The following CPNE8 variants were observed in gnomAD, a reference collection of about 807,000 sequenced individuals.
CPNE8 encodes copine 8.
In CPNE8, 45 loss-of-function variants were observed where a neutral mutation model predicts 81.5. The ratio of observed to expected loss-of-function variants is 0.55; its 90% CI spans 0.44 to 0.71. The LOEUF is 0.71. CPNE8 is among the 30% of genes least tolerant of loss of function. The pLI is 0.00. For synonymous variants in CPNE8, 252 were observed against 226.3 expected, an observed-to-expected ratio of 1.11 and a Z score of -1.02; for missense variants, 594 against 672.1, an observed-to-expected ratio of 0.88 and a Z score of 1.28.
intron 11 of CPNE8, among the ~76,000 whole-genome samples, chr12:38,729,131 G>A (rs1940773106): frequency 6.6e-6 from 1 of 152,108 alleles, no homozygotes; most frequent in South Asian, 2.1e-4. Context: ...AGCAGTAGAT[G>A]ATGCCTAAGT....
At chr12:38,853,402 A>G (rs1227848048) in intron 3 of CPNE8, among the ~76,000 whole-genome samples, 1 of 152,144 alleles carries the variant, frequency 6.6e-6, no homozygotes, top group African/African-American at 2.4e-5. Flanking sequence ...ATAATACTAG[A>G]TTATCAAAAG....
intron 15 of CPNE8, among the ~76,000 whole-genome samples, chr12:38,689,841 T>C (rs1939631879): frequency 6.6e-6 from 1 of 152,206 alleles, no homozygotes; most frequent in Admixed American, 6.5e-5. Flanking sequence ...CGTTTTCAGT[T>C]ATAAATCCAA....
intron 19 of CPNE8, among the ~76,000 whole-genome samples, chr12:38,663,859 A>T (rs1470952209): frequency 6.6e-6 from 1 of 152,148 alleles, no homozygotes; most frequent in African/African-American, 2.4e-5. Context: ...TGTTAACTGA[A>T]ATAAGCCAGG....
intron 3 of CPNE8, among the ~76,000 whole-genome samples, chr12:38,870,306 A>G (rs1441447481): frequency 6.6e-6 from 1 of 152,254 alleles, no homozygotes; most frequent in African/African-American, 2.4e-5. Flanking sequence ...CCAAAGGATT[A>G]TAACTCAATC....
intron 3 of CPNE8, among the ~76,000 whole-genome samples, chr12:38,859,152 A>G (rs1943790756): frequency 6.6e-6 from 1 of 152,056 alleles, no homozygotes; most frequent in Non-Finnish European, 1.5e-5. Flanking sequence ...CAGAGGAAGT[A>G]AAATTATCTT....
chr12:38,771,975 G>A (rs1941813272), intron 7 of CPNE8, among the ~76,000 whole-genome samples: 2 of 152,184 alleles, frequency 1.3e-5, no homozygotes, highest in Non-Finnish European at 2.9e-5. Flanking sequence ...GTGCTGGGAG[G>A]TGGGGCCCCA....
At chr12:38,839,641 C>G (rs1338911131) in intron 5 of CPNE8, among the ~76,000 whole-genome samples, 1 of 152,050 alleles carries the variant, frequency 6.6e-6, no homozygotes, top group East Asian at 1.9e-4. Context: ...CCTGATCTAA[C>G]TTCAAACATC....
At chr12:38,702,951 T>C (rs1939986289) in intron 13 of CPNE8, 30 bp from the exon 14 acceptor site, 3 of 1,434,844 alleles carry the variant, frequency 2.1e-6, no homozygotes, top group Admixed American at 2.1e-5. Flanking sequence ...GACTCATTAA[T>C]AATGAAATAA....
At chr12:38,695,988 CA>C (rs761333023) in intron 14 of CPNE8, among the ~76,000 whole-genome samples, 2 of 152,114 alleles carry the variant, frequency 1.3e-5, no homozygotes, top group Non-Finnish European at 2.9e-5. Flanking sequence ...CCCCAACTCT[CA>C]AACTCACAAA....
chr12:38,793,115 A>G (rs949005674), intron 6 of CPNE8, among the ~76,000 whole-genome samples: 1 of 151,898 alleles, frequency 6.6e-6, no homozygotes, highest in Non-Finnish European at 1.5e-5. Context: ...CACAGCAACC[A>G]TTGTAGTCAA....
At chr12:38,817,771 C>T (rs931595695) in intron 6 of CPNE8, among the ~76,000 whole-genome samples, 3 of 151,724 alleles carry the variant, frequency 2.0e-5, no homozygotes, top group African/African-American at 7.3e-5. Flanking sequence ...CTACAGGCAC[C>T]CACCGCTACG....
intron 3 of CPNE8, among the ~76,000 whole-genome samples, chr12:38,864,057 C>CACAAAA (rs1555168919): frequency 1.1e-5 from 1 of 89,910 alleles, no homozygotes. Flanking sequence ...TCATCTCTCA[C>CACAAAA]AAAAAAAAAA....
At chr12:38,767,220 A>T (rs1361261763) in intron 8 of CPNE8, among the ~76,000 whole-genome samples, 6 of 152,086 alleles carry the variant, frequency 3.9e-5, no homozygotes, top group African/African-American at 1.4e-4. Context: ...GAATATAATG[A>T]ACATTTTTAC....
At chr12:38,821,010 C>T (rs1412847252) in intron 6 of CPNE8, among the ~76,000 whole-genome samples, 3 of 152,112 alleles carry the variant, frequency 2.0e-5, no homozygotes, top group Non-Finnish European at 2.9e-5. Context: ...TCCATTTTTC[C>T]TCATCTTCCT....
intron 6 of CPNE8, among the ~76,000 whole-genome samples, chr12:38,811,164 A>C (rs1942927324): frequency 6.6e-6 from 1 of 152,100 alleles, no homozygotes; most frequent in African/African-American, 2.4e-5. Context: ...GTAATCTCAC[A>C]ATTCCATTCC....
chr12:38,669,449 T>A (rs1466841244), intron 19 of CPNE8, among the ~76,000 whole-genome samples: 1 of 152,180 alleles, frequency 6.6e-6, no homozygotes, highest in Non-Finnish European at 1.5e-5. Context: ...TCACTTAATC[T>A]TCACAATTCT....
At chr12:38,789,398 T>C (rs1160756509) in intron 6 of CPNE8, among the ~76,000 whole-genome samples, 6 of 151,838 alleles carry the variant, frequency 4.0e-5, no homozygotes, top group African/African-American at 7.2e-5. Flanking sequence ...TCTATATCCA[T>C]ATGCAAAAGA....
At position 38,708,367 on chromosome 12, in the gene CPNE8, G is replaced by A. The variant is rs555834190; in HGVS notation, c.915-5446C>T. The stretch of plus-strand genomic sequence containing the variant: ...TGTTAGAGGAAAAAAAAAATCAATC[G>A]TGTCAAAGTAAAAAAAAAATCCAAA... On this transcript the variant is annotated intron_variant, in intron 13 of 19. Transcript: ENST00000331366. 2.6e-4 allele frequency among the ~76,000 whole-genome samples: 34 copies of A among 130,660 alleles called. No homozygotes were observed. The East Asian group carries it at 7.7e-3, about 29-fold the overall frequency. The allele number at this position is 130,660 out of a possible 152,430, so 85.7% of individuals were successfully genotyped here. A position where few individuals can be genotyped will look rare whatever the true frequency, so the allele number is the denominator to read the frequency against.
intron 10 of CPNE8, among the ~76,000 whole-genome samples, chr12:38,760,482 G>A (rs1941552276): frequency 7.4e-6 from 1 of 135,202 alleles, no homozygotes; most frequent in African/African-American, 3.2e-5. Context: ...GTTGGCTGGT[G>A]AATGCAAAGC....
Sources: gnomAD v4.1 joint callset for allele counts (sites outside exome capture counted in the v4.1 genomes callset) on GRCh38, gnomAD v4.1.1 for gene constraint, MANE v1.5 for transcripts, NCBI Gene and HGNC (gene_info 2026-07-23, HGNC 2026-07-21) for gene names.